Variants in RCAN2 observed in about 807,000 individuals in gnomAD.
RCAN2 encodes calcipressin-2.
RCAN2 carries 9 observed loss-of-function variants against 23.6 expected under a neutral mutation model. The observed-to-expected ratio is 0.38, with a 90% CI of 0.23 to 0.67. The LOEUF is 0.67. RCAN2 is among the 30% of genes least tolerant of loss of function. The pLI is 0.51. For missense variants in RCAN2, 273 were observed against 302.3 expected, an observed-to-expected ratio of 0.90 and a Z score of 0.72; for synonymous variants, 109 against 115.7, an observed-to-expected ratio of 0.94 and a Z score of 0.37.
At chr6:46,489,961 T>C (rs1390104653) in intron 1 of RCAN2, among the ~76,000 whole-genome samples, 1 of 152,226 alleles carries the variant, frequency 6.6e-6, no homozygotes, top group Non-Finnish European at 1.5e-5. Context: ...TAGTTGACAG[T>C]CAATGCTGAC....
chr6:46,241,538 T>C (rs1561822496), intron 4 of RCAN2, among the ~76,000 whole-genome samples: 1 of 152,198 alleles, frequency 6.6e-6, no homozygotes, highest in Non-Finnish European at 1.5e-5. Context: ...TGTGTTTTAG[T>C]GGGTGCCAAA....
intron 4 of RCAN2, among the ~76,000 whole-genome samples, chr6:46,225,145 G>T (rs1765618286): frequency 6.6e-6 from 1 of 152,156 alleles, no homozygotes; most frequent in African/African-American, 2.4e-5. Context: ...GTATTCCATG[G>T]TGCATATGTG....
At chr6:46,443,317 T>TA (rs1468582878) in intron 2 of RCAN2, among the ~76,000 whole-genome samples, 1 of 152,170 alleles carries the variant, frequency 6.6e-6, no homozygotes, top group Admixed American at 6.5e-5. Flanking sequence ...CAGTGATACT[T>TA]AAACCATAGT....
chr6:46,382,600 G>A (rs1447056793), intron 2 of RCAN2, among the ~76,000 whole-genome samples: 1 of 152,124 alleles, frequency 6.6e-6, no homozygotes, highest in African/African-American at 2.4e-5. Context: ...ACACCACATT[G>A]CATATTTAGG....
intron 1 of RCAN2, among the ~76,000 whole-genome samples, chr6:46,476,943 T>A (rs889048222): frequency 1.3e-5 from 2 of 152,160 alleles, no homozygotes; most frequent in African/African-American, 4.8e-5. Context: ...GTTGGGTTGA[T>A]CACCAGTGGT....
chr6:46,358,859 C>A (rs140471326), intron 2 of RCAN2, among the ~76,000 whole-genome samples: 5 of 152,268 alleles, frequency 3.3e-5, no homozygotes, highest in Admixed American at 3.3e-4. Context: ...AGGGTTGGGA[C>A]CTAAGCATTG....
chr6:46,262,996 A>T (rs1382273756), intron 2 of RCAN2, among the ~76,000 whole-genome samples: 1 of 152,228 alleles, frequency 6.6e-6, no homozygotes, highest in Non-Finnish European at 1.5e-5. Context: ...CAGTGTTGTT[A>T]GTGAGGGCAA....
intron 4 of RCAN2, among the ~76,000 whole-genome samples, chr6:46,226,245 C>A (rs1186295553): frequency 1.3e-5 from 2 of 152,114 alleles, no homozygotes; most frequent in African/African-American, 2.4e-5. Flanking sequence ...GTTCTTTTGG[C>A]TTAGGATTGT....
intron 2 of RCAN2, among the ~76,000 whole-genome samples, chr6:46,336,705 AG>A (rs1764156105): frequency 6.6e-6 from 1 of 152,226 alleles, no homozygotes. Flanking sequence ...ATCTATCAAA[AG>A]TTCTTGAAAA....
At chr6:46,427,179 T>C (rs1009240997) in intron 2 of RCAN2, among the ~76,000 whole-genome samples, 1 of 152,138 alleles carries the variant, frequency 6.6e-6, no homozygotes, top group African/African-American at 2.4e-5. Flanking sequence ...TTTAGGAAAA[T>C]TATATGAATC....
chr6:46,432,710 C>T (rs1018676268), intron 2 of RCAN2, among the ~76,000 whole-genome samples: 1 of 152,040 alleles, frequency 6.6e-6, no homozygotes, highest in African/African-American at 2.4e-5. Context: ...AAGATATTAG[C>T]AACTCAAAAA....
At chr6:46,232,581 T>A (rs1765935051) in intron 4 of RCAN2, among the ~76,000 whole-genome samples, 1 of 151,858 alleles carries the variant, frequency 6.6e-6, no homozygotes, top group Non-Finnish European at 1.5e-5. Flanking sequence ...CACTTGAGGT[T>A]GGAAGTTCAA....
At chr6:46,286,460 C>T (rs1762375929) in intron 2 of RCAN2, among the ~76,000 whole-genome samples, 1 of 152,134 alleles carries the variant, frequency 6.6e-6, no homozygotes, top group African/African-American at 2.4e-5. Flanking sequence ...AAATTTCCCA[C>T]AAATGTACTA....
At chr6:46,306,092 T>G (rs527301715) in intron 2 of RCAN2, among the ~76,000 whole-genome samples, 1 of 152,000 alleles carries the variant, frequency 6.6e-6, no homozygotes, top group African/African-American at 2.4e-5. Context: ...GCAGGGTGGT[T>G]TTTTACAAAA....
intron 2 of RCAN2, among the ~76,000 whole-genome samples, chr6:46,321,917 C>G (rs1446597402): frequency 6.6e-6 from 1 of 152,180 alleles, no homozygotes; most frequent in Non-Finnish European, 1.5e-5. Context: ...CTAGACAATT[C>G]TTGGCTGACC....
chr6:46,346,200 A>G (rs1764477054), intron 2 of RCAN2, among the ~76,000 whole-genome samples: 3 of 152,320 alleles, frequency 2.0e-5, no homozygotes, highest in East Asian at 1.9e-4. Flanking sequence ...TAATGAAACA[A>G]TATATCAAAA....
intron 4 of RCAN2, among the ~76,000 whole-genome samples, chr6:46,242,939 A>G (rs76171141): frequency 0.043 from 6,564 of 152,328 alleles, 452 homozygotes; most frequent in African/African-American, 0.14. Flanking sequence ...AGTTTCAGGT[A>G]CTGGGAATAC....
chr6:46,268,417 G>T (rs575625256), intron 2 of RCAN2, among the ~76,000 whole-genome samples: 1 of 151,976 alleles, frequency 6.6e-6, no homozygotes, highest in Non-Finnish European at 1.5e-5. Flanking sequence ...TCAATGGATC[G>T]GGTTTTTCAC....
At chr6:46,443,538 C>T (rs1361893255) in intron 2 of RCAN2, among the ~76,000 whole-genome samples, 2 of 151,898 alleles carry the variant, frequency 1.3e-5, no homozygotes, top group Non-Finnish European at 2.9e-5. Flanking sequence ...TACCCATCTC[C>T]CTTTTCTTCT....
Sources: allele counts gnomAD v4.1 joint callset (sites outside exome capture counted in the v4.1 genomes callset), GRCh38; gene constraint gnomAD v4.1.1; transcripts MANE v1.5; gene names NCBI Gene and HGNC (gene_info 2026-07-23, HGNC 2026-07-21).